ACP7: variants seen among roughly 807,000 people sequenced by gnomAD.
ACP7 encodes acid phosphatase type 7.
In ACP7, 58 loss-of-function variants were observed where a neutral mutation model predicts 60.6. The observed-to-expected ratio is 0.96, with a 90% CI of 0.77 to 1.19. ACP7 has a LOEUF of 1.19. Ranked by LOEUF, ACP7 falls within the 50% of genes most tolerant of loss-of-function variation. The probability of loss-of-function intolerance (pLI) is 0.00; values close to 1 mark genes in which losing one functional copy is unlikely to be tolerated. For missense variants in ACP7, 574 were observed against 596.2 expected (o/e 0.96, Z 0.39); for synonymous variants, 237 against 232.6 (o/e 1.02, Z -0.17).
intron 11 of ACP7, among the ~76,000 whole-genome samples, chr19:39,102,092 C>T (rs1249686949): frequency 1.3e-5 from 2 of 149,354 alleles, no homozygotes; most frequent in South Asian, 2.1e-4. Context: ...TGCACTCCAG[C>T]CTGGGCAACA....
At chr19:39,089,247 C>T (rs1303754599) in intron 2 of ACP7, among the ~76,000 whole-genome samples, 1 of 151,548 alleles carries the variant, frequency 6.6e-6, no homozygotes. Flanking sequence ...TTGTATTTTT[C>T]AGTAGAGATG....
At chr19:39,096,417 C>T (rs1392379725) in intron 2 of ACP7, among the ~76,000 whole-genome samples, 2 of 152,144 alleles carry the variant, frequency 1.3e-5, no homozygotes, top group Non-Finnish European at 2.9e-5. Context: ...CTCCAGTTCC[C>T]AACAAGTTCC....
Position 39,101,687 on chromosome 19 carries a change from T to C in ACP7, c.1113+150T>C, listed in dbSNP as rs139932284. The C allele has an allele frequency of 1.4e-3, 1,178 of 847,592 alleles. 10 individuals are homozygous for C. The African/African-American group carries it at 0.016, about 12-fold the overall frequency. The allele number at this position is 847,592 out of a possible 1,614,324, so 52.5% of individuals were successfully genotyped here. A position where few individuals can be genotyped will look rare whatever the true frequency, so the allele number is the denominator to read the frequency against. On this transcript the variant is annotated intron_variant, in intron 11 of 12. Transcript: ENST00000331256. ...TCGGGAACTCCTAGCGGTATGTTCA[T>C]TGGACGGATGTAGGAACAGAGGCAC...
chr19:39,098,953 C>T lies in ACP7; in HGVS notation c.323-7C>T. ...AGCTGACTGCGACCTTTTCCTCTCC[C>T]ATTCAGTTTATCGCTGTGGCAGTGC... On this transcript the variant is annotated splice_polypyrimidine_tract_variant and splice_region_variant and intron_variant, in intron 3 of 12. Coordinates refer to ENST00000331256, the MANE Select transcript of ACP7 (RefSeq NM_001004318.3). 3.7e-6 allele frequency: 6 copies of T among 1,608,364 alleles called. No homozygotes were observed. The highest frequency in any genetic ancestry group is 5.1e-6 in the Non-Finnish European group (6 of 1,177,996).
Position 39,106,967 on chromosome 19 carries a change from G to T in ACP7, c.1134G>T (p.Thr378=). Residue 378 remains threonine (T), a synonymous_variant, in exon 12 of 13, where the codon ACG becomes ACT. Transcript: ENST00000331256. The part of the protein sequence containing the change: ...TGSAGCEERL[T]PFAVFPRPWS... ...CCCAGGGCTGTGAGGAGCGGCTGAC[G>T]CCCTTTGCTGTCTTCCCGAGGCCCT... The T allele has an allele frequency of 1.2e-6, 2 of 1,613,906 alleles. No individual in the cohort carries two copies. Among genetic ancestry groups the T allele is most frequent in the Non-Finnish European group, 8.5e-7 (1 of 1,179,958 alleles).
At position 39,092,573 on chromosome 19, in the gene ACP7, A is replaced by G. The variant is rs544214892; in HGVS notation, c.122-5885A>G. 4.6e-5 allele frequency among the ~76,000 whole-genome samples: 7 copies of G among 151,774 alleles called. No individual in the cohort carries two copies. The South Asian group carries it at 1.5e-3, about 32-fold the overall frequency. On this transcript the variant is annotated intron_variant, in intron 2 of 12. Transcript: ENST00000331256. ...TGTGGTTATGTTATGCTTTTTTTTA[A>G]TCTGGTTAGGTCCACTTATTAGTGT...
In ACP7 at chr19:39,110,854, C is replaced by G. The variant is rs913594314; in HGVS notation, c.*736C>G. On this transcript the variant is annotated 3_prime_UTR_variant, in exon 13 of 13. Coordinates refer to ENST00000331256, the MANE Select transcript of ACP7 (RefSeq NM_001004318.3). ...TTGAGCATCTACCATGTGCCAGGCT[C>G]TGTTCTCAGTGCTGGAGAGACAGCT... The G allele has an allele frequency of 2.6e-5, 4 of 152,324 alleles. No homozygotes were observed. Among genetic ancestry groups the G allele is most frequent in the African/African-American group, 9.6e-5 (4 of 41,566 alleles). 9.4% of individuals were successfully genotyped at this position (152,324 alleles called of 1,614,324 possible).
intron 2 of ACP7, among the ~76,000 whole-genome samples, chr19:39,093,140 AC>A (rs2073224286): frequency 2.8e-5 from 1 of 35,394 alleles, no homozygotes; most frequent in Non-Finnish European, 5.9e-5. Flanking sequence ...TTCTTCCCTC[AC>A]TCCTTTCTTT....
At position 39,099,098 on chromosome 19, in the gene ACP7, G is replaced by T. The variant is rs769422402; in HGVS notation, c.461G>T (p.Arg154Leu). ...ADNPKAVPRLRRDTQQGMYDA... is the reference protein window; with the variant it reads ...ADNPKAVPRLLRDTQQGMYDA... ...AACCCGAAGGCCGTCCCCCGGCTGC[G>T]CAGGGACACCCAGCAGGGCATGTAT... Residue 154 changes from arginine (R) to leucine (L), a missense_variant, in exon 4 of 13, where the codon CGC (arginine) becomes CTC (leucine). Transcript: ENST00000331256. 1.9e-6 allele frequency: 3 copies of T among 1,598,732 alleles called. No individual in the cohort carries two copies. The highest frequency in any genetic ancestry group is 2.6e-6 in the Non-Finnish European group (3 of 1,173,696).
chr19:39,091,998 C>T (rs1313634556), intron 2 of ACP7, among the ~76,000 whole-genome samples: 3 of 152,140 alleles, frequency 2.0e-5, no homozygotes, highest in Admixed American at 6.6e-5. Flanking sequence ...TTTATTTTAG[C>T]CTTATCTTTC....
chr19:39,088,067 G>A (rs927127670), intron 2 of ACP7, among the ~76,000 whole-genome samples: 5 of 151,974 alleles, frequency 3.3e-5, no homozygotes, highest in South Asian at 2.1e-4. Context: ...TGTCACCCAC[G>A]CTGGAATGCA....
intron 12 of ACP7, among the ~76,000 whole-genome samples, chr19:39,108,201 G>A (rs986369286): frequency 2.0e-5 from 3 of 147,100 alleles, no homozygotes; most frequent in African/African-American, 7.6e-5. Flanking sequence ...ATGCAGTGGT[G>A]CAGTCTTGGT....
intron 11 of ACP7, among the ~76,000 whole-genome samples, chr19:39,102,759 CTTTCTT>C (rs1163169313): frequency 1.2e-5 from 1 of 84,406 alleles, no homozygotes; most frequent in Non-Finnish European, 2.5e-5. Flanking sequence ...TTCTTTCTTT[CTTTCTT>C]TCTCTCTCTC....
chr19:39,086,350 C>T (rs1179531334), intron 2 of ACP7, among the ~76,000 whole-genome samples: 1 of 151,692 alleles, frequency 6.6e-6, no homozygotes, highest in Admixed American at 6.6e-5. Flanking sequence ...GTGGAGGAGG[C>T]CAGGCACAGT....
intron 11 of ACP7, among the ~76,000 whole-genome samples, chr19:39,105,481 A>G (rs499525): frequency 0.83 from 125,676 of 152,166 alleles, 52,002 homozygotes; most frequent in African/African-American, 0.87. Flanking sequence ...AGAATACACA[A>G]AACAGATACT....
chr19:39,093,143 C>CTTTCTTTCTTTCTCTCT (rs373399597), intron 2 of ACP7, among the ~76,000 whole-genome samples: 1 of 104,568 alleles, frequency 9.6e-6, no homozygotes, highest in African/African-American at 3.8e-5. Flanking sequence ...TTCCCTCACT[C>CTTTCTTTCTTTCTCTCT]CTTTCTTTCT....
upstream of ACP7, chr19:39,083,969 C>T (rs1041071614): frequency 3.3e-5 from 5 of 152,404 alleles, no homozygotes; most frequent in Non-Finnish European, 7.3e-5. Context: ...TTGGGGATCC[C>T]CCGGTCCTGC....
intron 2 of ACP7, among the ~76,000 whole-genome samples, chr19:39,085,747 G>A (rs535839538): frequency 6.6e-6 from 1 of 152,186 alleles, no homozygotes; most frequent in East Asian, 1.9e-4. Context: ...TGATAACAGA[G>A]CTGGGTTACC....
At chr19:39,089,468 G>A (rs962279919) in intron 2 of ACP7, among the ~76,000 whole-genome samples, 2 of 152,170 alleles carry the variant, frequency 1.3e-5, no homozygotes, top group Non-Finnish European at 2.9e-5. Context: ...TTCCCCTGAT[G>A]TTAACATTTT....
Sources: allele counts gnomAD v4.1 joint callset (sites outside exome capture counted in the v4.1 genomes callset), GRCh38; gene constraint gnomAD v4.1.1; transcripts MANE v1.5; gene names NCBI Gene and HGNC (gene_info 2026-07-23, HGNC 2026-07-21).